CCDC171: variants seen among roughly 807,000 people sequenced by gnomAD.
CCDC171 encodes coiled-coil domain containing 171.
CCDC171 carries 177 observed loss-of-function variants against 168.2 expected under a neutral mutation model. That is an observed-to-expected ratio of 1.05 (90% CI 0.93 to 1.19). The LOEUF (loss-of-function observed/expected upper bound fraction) is 1.19, where lower values mean the gene tolerates loss of function less well. CCDC171 is among the 50% of genes most tolerant of loss of function. CCDC171 has a pLI of 0.00. For missense variants in CCDC171, 1,991 were observed against 1,539.0 expected (o/e 1.29, Z -4.91); for synonymous variants, 687 against 540.8 (o/e 1.27, Z -3.75).
At chr9:15,860,697 G>A (rs536444027) in intron 23 of CCDC171, among the ~76,000 whole-genome samples, 3 of 151,886 alleles carry the variant, frequency 2.0e-5, no homozygotes, top group Non-Finnish European at 4.4e-5. Context: ...AAAATGACGT[G>A]TGTACACTTG....
intron 24 of CCDC171, among the ~76,000 whole-genome samples, chr9:15,888,600 A>G (rs1361306293): frequency 6.6e-6 from 1 of 152,196 alleles, no homozygotes; most frequent in African/African-American, 2.4e-5. Context: ...AAATTTACAC[A>G]ATGAATTGTT....
At chr9:15,835,113 G>A (rs185437035) in intron 21 of CCDC171, among the ~76,000 whole-genome samples, 3 of 152,220 alleles carry the variant, frequency 2.0e-5, no homozygotes, top group Admixed American at 2.0e-4. Flanking sequence ...ACAAAATCCT[G>A]GGAATCAGAT....
chr9:15,863,115 G>A (rs539569818), intron 23 of CCDC171, among the ~76,000 whole-genome samples: 1 of 152,076 alleles, frequency 6.6e-6, no homozygotes, highest in South Asian at 2.1e-4. Context: ...TCAAACACAG[G>A]TGAGACAAAA....
chr9:15,986,986 G>A (rs1054994487), intron 3 of CCDC171, among the ~76,000 whole-genome samples: 2 of 151,998 alleles, frequency 1.3e-5, no homozygotes, highest in African/African-American at 4.8e-5. Flanking sequence ...ATAAACTCCA[G>A]AAAATAAAAT....
intron 24 of CCDC171, among the ~76,000 whole-genome samples, chr9:15,882,684 T>G (rs1159328379): frequency 6.6e-6 from 1 of 152,126 alleles, no homozygotes; most frequent in Admixed American, 6.5e-5. Context: ...CCTCAATCTG[T>G]ATCTTCTCCT....
chr9:15,746,706 A>G (rs1001876412), intron 18 of CCDC171, among the ~76,000 whole-genome samples: 3 of 152,160 alleles, frequency 2.0e-5, no homozygotes, highest in Non-Finnish European at 4.4e-5. Flanking sequence ...GGTGATTTCT[A>G]CATTTCCAAC....
chr9:15,623,458 C>G (rs765143085), intron 7 of CCDC171, 45 bp downstream of exon 7: 2 of 1,297,996 alleles, frequency 1.5e-6, no homozygotes, highest in East Asian at 2.4e-5. Context: ...TACAAACTTT[C>G]ACATATGCGC....
chr9:15,612,566 C>T (rs1209554361), intron 6 of CCDC171, among the ~76,000 whole-genome samples: 2 of 152,090 alleles, frequency 1.3e-5, no homozygotes, highest in African/African-American at 4.8e-5. Flanking sequence ...TCTGGTTTTA[C>T]CAAATGTTTT....
chr9:15,937,546 C>T (rs1325232910), intron 25 of CCDC171, among the ~76,000 whole-genome samples: 2 of 151,708 alleles, frequency 1.3e-5, no homozygotes, highest in Non-Finnish European at 2.9e-5. Context: ...CTAAAATCCC[C>T]CTTATATACT....
chr9:15,909,322 C>G (rs1234924920), intron 24 of CCDC171, among the ~76,000 whole-genome samples: 1 of 152,114 alleles, frequency 6.6e-6, no homozygotes, highest in Non-Finnish European at 1.5e-5. Context: ...TTTCTACTTT[C>G]TATTCCTTAT....
At chr9:15,721,383 A>G (rs375710077) in intron 11 of CCDC171, among the ~76,000 whole-genome samples, 2 of 152,074 alleles carry the variant, frequency 1.3e-5, no homozygotes, top group South Asian at 4.2e-4. Flanking sequence ...GGTAATGTAT[A>G]CTTCATTTAG....
chr9:15,801,489 TG>T, intron 21 of CCDC171, among the ~76,000 whole-genome samples: 1 of 152,266 alleles, frequency 6.6e-6, no homozygotes, highest in South Asian at 2.1e-4. Flanking sequence ...TTAGTGAATT[TG>T]TTTATCAGTT....
intron 8 of CCDC171, among the ~76,000 whole-genome samples, chr9:15,665,437 A>G (rs1387630092): frequency 2.0e-5 from 3 of 152,322 alleles, no homozygotes; most frequent in African/African-American, 7.2e-5. Context: ...TTATAAAGAT[A>G]CTCATGTAAT....
intron 1 of CCDC171, among the ~76,000 whole-genome samples, chr9:15,563,633 C>G (rs1474719850): frequency 1.3e-5 from 2 of 152,156 alleles, no homozygotes; most frequent in African/African-American, 2.4e-5. Flanking sequence ...TTTCAGGTCC[C>G]TGGATAGATG....
chr9:15,832,777 GCA>G (rs1477061814), intron 21 of CCDC171, among the ~76,000 whole-genome samples: 1 of 152,084 alleles, frequency 6.6e-6, no homozygotes, highest in Non-Finnish European at 1.5e-5. Context: ...TTAGCTTAAA[GCA>G]CAAACACGGT....
At chr9:15,983,817 A>AGAGTGTGTGTGT (rs368957982) in intron 3 of CCDC171, among the ~76,000 whole-genome samples, 3 of 142,532 alleles carry the variant, frequency 2.1e-5, no homozygotes, top group African/African-American at 7.8e-5. Flanking sequence ...AAATAAAGAG[A>AGAGTGTGTGTGT]GTGTGTGTGT....
chr9:15,668,856 GA>G (rs1362982445), intron 9 of CCDC171, among the ~76,000 whole-genome samples: 1 of 151,948 alleles, frequency 6.6e-6, no homozygotes, highest in Non-Finnish European at 1.5e-5. Context: ...CTGAATTTCT[GA>G]AAAAAATTCT....
At chr9:16,066,803 A>G in the CCDC171 span, among the ~76,000 whole-genome samples, 1 of 149,436 alleles carries the variant, frequency 6.7e-6, no homozygotes, top group Non-Finnish European at 1.5e-5. Flanking sequence ...ATCATTTTTT[A>G]TGGCTGCATA....
At chr9:15,561,125 C>T (rs1004518169) in intron 1 of CCDC171, among the ~76,000 whole-genome samples, 5 of 152,112 alleles carry the variant, frequency 3.3e-5, no homozygotes, top group African/African-American at 9.7e-5. Context: ...GAACCTCCTC[C>T]GTGACTGCTT....
Sources: allele counts gnomAD v4.1 joint callset (sites outside exome capture counted in the v4.1 genomes callset), GRCh38; gene constraint gnomAD v4.1.1; transcripts MANE v1.5; gene names NCBI Gene and HGNC (gene_info 2026-07-23, HGNC 2026-07-21).